The following DEK variants were observed in gnomAD, a reference collection of about 807,000 sequenced individuals.
DEK encodes protein DEK.
DEK carries 28 observed loss-of-function variants against 46.8 expected under a neutral mutation model. The observed-to-expected ratio is 0.60, with a 90% CI of 0.44 to 0.82. DEK has a LOEUF of 0.82. DEK is among the 40% of genes least tolerant of loss of function. The pLI, the probability that DEK is intolerant of heterozygous loss-of-function variation, is 0.00. For missense variants in DEK, 416 were observed against 430.6 expected, an observed-to-expected ratio of 0.97 and a Z score of 0.30; for synonymous variants, 160 against 144.5, an observed-to-expected ratio of 1.11 and a Z score of -0.77.
chr6:18,239,358 TTTTA>T (rs1344378297), intron 7 of DEK, among the ~76,000 whole-genome samples: 11 of 145,204 alleles, frequency 7.6e-5, no homozygotes, highest in African/African-American at 2.5e-4. Context: ...TTTTTTTTTT[TTTTA>T]AAAAAAAGAG....
At chr6:18,229,667 A>C (rs1790317023) in intron 9 of DEK, among the ~76,000 whole-genome samples, 2 of 152,182 alleles carry the variant, frequency 1.3e-5, no homozygotes, top group Non-Finnish European at 2.9e-5. Flanking sequence ...GCGAGAAGAG[A>C]AGTCTGGAGA....
In DEK at chr6:18,258,028, T is replaced by G; in HGVS notation, c.282A>C (p.Ile94=). Residue 94 remains isoleucine, a synonymous_variant, in exon 4 of 11, where the codon ATA becomes ATC. Coordinates refer to ENST00000652689, the MANE Select transcript of DEK (RefSeq NM_003472.4). ...TTTTCTTCTTACTTAGAAAAAAATG[T>G]ATCCTCTCAATTTCACAAAGTTTCT... ...KGQKLCEIER[I]HFFLSKKKTD... The G allele has an allele frequency of 6.2e-7, 1 of 1,611,398 alleles. No individual in the cohort carries two copies. The highest frequency in any genetic ancestry group is 8.5e-7 in the Non-Finnish European group (1 of 1,179,218).
chr6:18,238,750 A>G (rs1365192709), intron 7 of DEK, among the ~76,000 whole-genome samples: 1 of 152,150 alleles, frequency 6.6e-6, no homozygotes, highest in African/African-American at 2.4e-5. Context: ...GTGAAATTAG[A>G]AAGCATTAAT....
chr6:18,238,727 T>C (rs548576015), intron 7 of DEK, among the ~76,000 whole-genome samples: 1 of 151,732 alleles, frequency 6.6e-6, no homozygotes, highest in Non-Finnish European at 1.5e-5. Flanking sequence ...ATACTTTGTC[T>C]CATGTGGAGC....
chr6:18,249,074 C>T (rs1243103132), intron 7 of DEK, among the ~76,000 whole-genome samples: 1 of 152,142 alleles, frequency 6.6e-6, no homozygotes, highest in African/African-American at 2.4e-5. Context: ...CAGCAGTTCT[C>T]TTCTTCATGA....
intron 1 of DEK, 54 bp downstream of exon 1, chr6:18,264,331 C>G (rs1792018629): frequency 6.1e-6 from 1 of 164,512 alleles, no homozygotes; most frequent in Admixed American, 6.5e-5. Flanking sequence ...CGTCCCTCCC[C>G]CGTCGGCCGC....
chr6:18,241,008 A>C (rs1256814375), intron 7 of DEK, among the ~76,000 whole-genome samples: 1 of 152,202 alleles, frequency 6.6e-6, no homozygotes, highest in Non-Finnish European at 1.5e-5. Context: ...ACCAGCTGTA[A>C]ATTCTTCTGT....
At chr6:18,226,735 G>A (rs982763744) in intron 9 of DEK, among the ~76,000 whole-genome samples, 1 of 152,198 alleles carries the variant, frequency 6.6e-6, no homozygotes, top group Non-Finnish European at 1.5e-5. Context: ...AGCTGTGTTG[G>A]TGGCACTGCA....
At chr6:18,260,312 C>A (rs982401228) in intron 2 of DEK, among the ~76,000 whole-genome samples, 1 of 152,072 alleles carries the variant, frequency 6.6e-6, no homozygotes, top group Non-Finnish European at 1.5e-5. Context: ...TGCAACCATC[C>A]ATTTTTACCA....
chr6:18,263,935 G>A lies in DEK; in HGVS notation c.53C>T (p.Ala18Val). The stretch of plus-strand genomic sequence containing the variant: ...GGGCATTTCGGGTTCTTTCTCGGAC[G>A]CGGGCTGGGTGGGGGTTCCCTCCCC... ...AEGEGTPTQP[A>V]SEKEPEMPGP... is the part of the protein sequence containing the mutation. Residue 18 changes from alanine to valine, a missense_variant, in exon 2 of 11, where the codon GCG becomes GTG. By Grantham distance (64) the Ala-to-Val change is moderately conservative. Coordinates refer to ENST00000652689, the MANE Select transcript of DEK (RefSeq NM_003472.4). 2 of 1,613,370 alleles carry A rather than the reference G, an allele frequency of 1.2e-6. No individual in the cohort carries two copies. Among genetic ancestry groups the A allele is most frequent in the Non-Finnish European group, 1.7e-6 (2 of 1,179,716 alleles).
rs1791983542 is a variant in DEK, at chr6:18,263,861, C to CGT, written c.126_127insAC (p.Glu43ThrfsTer22). 44 of 1,612,762 alleles carry CGT rather than the reference C, an allele frequency of 2.7e-5. 1 individual carries two copies. Among genetic ancestry groups the CGT allele is most frequent in the Non-Finnish European group, 3.7e-5 (44 of 1,179,398 alleles). On this transcript the variant is annotated frameshift_variant, in exon 2 of 11. Coordinates refer to ENST00000652689, the MANE Select transcript of DEK (RefSeq NM_003472.4). LOFTEE classifies it high-confidence loss of function. ...CCCCCACCTTTTTCCTCCTCCTCCT[C>CGT]CTCCTCGTCGTCCTCGTCCTCTTCC...
Position 18,234,144 on chromosome 6 carries a change from G to A in DEK, c.1047+2308C>T, listed in dbSNP as rs548007275. On this transcript the variant is annotated intron_variant, in intron 9 of 10. Coordinates refer to ENST00000652689, the MANE Select transcript of DEK (RefSeq NM_003472.4). ...TAGGTGGGAATTGAACAATGAGAAC[G>A]CTTGGACACAGGAAGGGGAACATCA... 5.4e-4 allele frequency among the ~76,000 whole-genome samples: 78 copies of A among 144,726 alleles called. 1 individual carries two copies. Among genetic ancestry groups the A allele is most frequent in the African/African-American group, 7.9e-4 (31 of 39,418 alleles). 94.9% of individuals were successfully genotyped at this position (144,726 alleles called of 152,430 possible). A position where few individuals can be genotyped will look rare whatever the true frequency, so the allele number is the denominator to read the frequency against.
At position 18,224,814 on chromosome 6, in the gene DEK, A is replaced by C. The variant is rs1393752255; in HGVS notation, c.*905T>G. On this transcript the variant is annotated 3_prime_UTR_variant, in exon 11 of 11. Coordinates refer to ENST00000652689, the MANE Select transcript of DEK (RefSeq NM_003472.4). Reference sequence around the variant, plus strand: ...TGTAAGCCAAATGTGCTTGTACTTAATCCCACCCTTTCCCAAAGTTTTTGA... The same window carrying C: ...TGTAAGCCAAATGTGCTTGTACTTACTCCCACCCTTTCCCAAAGTTTTTGA... 1 of 211,854 alleles carries C rather than the reference A, an allele frequency of 4.7e-6. No individual in the cohort carries two copies. Among genetic ancestry groups the C allele is most frequent in the African/African-American group, 2.3e-5 (1 of 44,116 alleles). The allele number at this position is 211,854 out of a possible 1,614,324, so 13.1% of individuals were successfully genotyped here. A position where few individuals can be genotyped will look rare whatever the true frequency, so the allele number is the denominator to read the frequency against.
At chr6:18,242,310 A>G (rs1342407908) in intron 7 of DEK, among the ~76,000 whole-genome samples, 1 of 152,184 alleles carries the variant, frequency 6.6e-6, no homozygotes, top group Non-Finnish European at 1.5e-5. Flanking sequence ...GGCAGTGAGT[A>G]TCGATCGTGC....
chr6:18,259,422 A>T (rs1057095645), intron 2 of DEK, among the ~76,000 whole-genome samples: 11 of 140,184 alleles, frequency 7.8e-5, no homozygotes, highest in East Asian at 2.0e-4. Flanking sequence ...AAAAAAAAAA[A>T]AAAAAAAAAA....
At chr6:18,249,936 C>T in intron 6 of DEK, 97 bp from the exon 7 acceptor site, 2 of 1,439,120 alleles carry the variant, frequency 1.4e-6, no homozygotes, top group Non-Finnish European at 1.8e-6. Flanking sequence ...ATTCCTCTCT[C>T]AAGAAATTGT....
rs537816004 is a variant in DEK at position 18,264,126 on chromosome 6, G to A, written c.-9-130C>T. 763 of 776,894 alleles carry A rather than the reference G, an allele frequency of 9.8e-4. 13 individuals are homozygous for A. The highest frequency in any genetic ancestry group is 9.5e-3 in the South Asian group (426 of 45,070). 48.1% of individuals were successfully genotyped at this position (776,894 alleles called of 1,614,324 possible). A position where few individuals can be genotyped will look rare whatever the true frequency, so the allele number is the denominator to read the frequency against. On this transcript the variant is annotated intron_variant, in intron 1 of 10. Coordinates refer to ENST00000652689, the MANE Select transcript of DEK (RefSeq NM_003472.4). ...GAAAGTTGCCTCCTCCCATAGCCGG[G>A]ACCGCAGCGCTCAGTCCCCAGGGGC...
intron 2 of DEK, among the ~76,000 whole-genome samples, chr6:18,259,764 G>C (rs113757155): frequency 1.2e-4 from 19 of 152,302 alleles, no homozygotes; most frequent in Non-Finnish European, 2.1e-4. Context: ...TTTGGGACTA[G>C]AGAAAAAGGA....
intron 4 of DEK, among the ~76,000 whole-genome samples, chr6:18,257,207 C>A (rs975989202): frequency 2.6e-5 from 4 of 152,092 alleles, no homozygotes; most frequent in African/African-American, 9.7e-5. Flanking sequence ...GTATGAGATA[C>A]AAATGATTTT....
Sources: gnomAD v4.1 joint callset for allele counts (sites outside exome capture counted in the v4.1 genomes callset) on GRCh38, gnomAD v4.1.1 for gene constraint, MANE v1.5 for transcripts, NCBI Gene and HGNC (gene_info 2026-07-23, HGNC 2026-07-21) for gene names.